The following ZDBF2 variants were observed in gnomAD, a reference collection of about 807,000 sequenced individuals.
ZDBF2 encodes the protein DBF4-type zinc finger-containing protein 2.
A neutral mutation model predicts 9.4 loss-of-function variants in ZDBF2; 6 were observed. That is an observed-to-expected ratio of 0.64 (90% CI 0.35 to 1.27). The LOEUF is 1.27. Ranked by LOEUF, ZDBF2 falls within the 50% of genes most tolerant of loss-of-function variation. The pLI, the probability that ZDBF2 is intolerant of heterozygous loss-of-function variation, is 0.03. For synonymous variants in ZDBF2, 905 were observed against 946.3 expected (o/e 0.96, Z 0.80); for missense variants, 2,697 against 2,766.8 (o/e 0.97, Z 0.57).
chr2:206,307,540 T>A lies in ZDBF2; in HGVS notation c.3012T>A (p.Ser1004=), dbSNP rs760108035. The change falls in exon 5 of 5, where the codon TCT becomes TCA. Residue 1004 remains serine (S), a synonymous_variant. Coordinates refer to ENST00000374423, the MANE Select transcript of ZDBF2 (RefSeq NM_020923.3). ...EFSGSKTSLD[S]GVPHYSVTEP... ...GTGGTTCAAAAACAAGTTTAGATTCTGGTGTCCCTCATTATTCAGTAACTG... is the reference window on the plus strand; with the variant it reads ...GTGGTTCAAAAACAAGTTTAGATTCAGGTGTCCCTCATTATTCAGTAACTG... The A allele has an allele frequency of 3.1e-6, 5 of 1,613,732 alleles. No homozygotes were observed. The highest frequency in any genetic ancestry group is 4.2e-6 in the Non-Finnish European group (5 of 1,179,778).
At position 206,311,574 on chromosome 2, in the gene ZDBF2, G is replaced by C; in HGVS notation, c.7046G>C (p.Arg2349Thr). 4.0e-6 allele frequency: 6 copies of C among 1,507,024 alleles called. No homozygotes were observed. The highest frequency in any genetic ancestry group is 4.4e-6 in the Non-Finnish European group (5 of 1,129,618). 93.4% of individuals were successfully genotyped at this position (1,507,024 alleles called of 1,614,324 possible). The change falls in exon 5 of 5, where the codon AGA becomes ACA. Residue 2349 changes from arginine (R) to threonine (T), a missense_variant. By Grantham distance (71) the Arg-to-Thr change is moderately conservative. This residue lies in a region of ZDBF2 where 1,783 missense variants were observed against 1,776.5 expected (regional missense o/e 1.00). Transcript: ENST00000374423. ...RMMTRLANKL[R>T]GNEVK Reference sequence around the variant, plus strand: ...ATGACTCGGCTAGCAAACAAACTGAGAGGTAATGAGGTAAAATAGAAGTTG... The same window carrying C: ...ATGACTCGGCTAGCAAACAAACTGACAGGTAATGAGGTAAAATAGAAGTTG...
intron 3 of ZDBF2, chr2:206,292,122 T>C (rs1691927607): frequency 2.5e-6 from 1 of 398,162 alleles, no homozygotes; most frequent in African/African-American, 2.1e-5. Context: ...GAAAGGTAAA[T>C]ATGTAGGCAA....
intron 4 of ZDBF2, among the ~76,000 whole-genome samples, chr2:206,303,391 A>G (rs1164678186): frequency 6.6e-6 from 1 of 152,096 alleles, no homozygotes; most frequent in Non-Finnish European, 1.5e-5. Context: ...CCTGTAATGC[A>G]GTAGTAAGTC....
chr2:206,280,831 C>T (rs536107998), intron 2 of ZDBF2, among the ~76,000 whole-genome samples: 1 of 152,176 alleles, frequency 6.6e-6, no homozygotes, highest in South Asian at 2.1e-4. Context: ...TGCAGAAATT[C>T]TCATAACATG....
chr2:206,296,301 C>G (rs573593995), intron 3 of ZDBF2, among the ~76,000 whole-genome samples: 2 of 152,214 alleles, frequency 1.3e-5, no homozygotes, highest in East Asian at 3.9e-4. Context: ...TTGTCCCACT[C>G]AGGACATGAA....
At position 206,310,828 on chromosome 2, in the gene ZDBF2, A is replaced by C. The variant is rs1178638280; in HGVS notation, c.6300A>C (p.Gln2100His). ...SSAGDNDADG[Q>H]GSASAPLMAV... Reference sequence around the variant, plus strand: ...CAGGAGATAATGATGCTGATGGACAAGGCTCTGCTTCAGCGCCTTTAATGG... The same window carrying C: ...CAGGAGATAATGATGCTGATGGACACGGCTCTGCTTCAGCGCCTTTAATGG... The change falls in exon 5 of 5, where the codon CAA becomes CAC. Residue 2100 changes from glutamine to histidine, a missense_variant. Gln to His is a conservative substitution (Grantham distance 24, BLOSUM62 0). Coordinates refer to ENST00000374423, the MANE Select transcript of ZDBF2 (RefSeq NM_020923.3). The C allele has an allele frequency of 1.9e-6, 3 of 1,614,006 alleles. No individual in the cohort carries two copies. Among genetic ancestry groups the C allele is most frequent in the Non-Finnish European group, 2.5e-6 (3 of 1,179,898 alleles).
intron 3 of ZDBF2, among the ~76,000 whole-genome samples, chr2:206,284,712 T>C (rs1574382957): frequency 6.6e-6 from 1 of 152,216 alleles, no homozygotes; most frequent in East Asian, 1.9e-4. Flanking sequence ...TATTCTACTG[T>C]GTATATATAC....
chr2:206,276,933 G>A (rs1420856422), intron 1 of ZDBF2, among the ~76,000 whole-genome samples: 1 of 152,172 alleles, frequency 6.6e-6, no homozygotes, highest in African/African-American at 2.4e-5. Flanking sequence ...TTGAAAATTA[G>A]TAGTGTTGTG....
Position 206,313,067 on chromosome 2 carries a change from T to TA in ZDBF2, c.*1476dup, listed in dbSNP as rs1212074147. The stretch of plus-strand genomic sequence containing the variant: ...GCCAAGATCCTGGATCTTCTATCAT[T>TA]AATGTTAAGAGGAAACATGAATTAC... On this transcript the variant is annotated 3_prime_UTR_variant, in exon 5 of 5. Coordinates refer to ENST00000374423, the MANE Select transcript of ZDBF2 (RefSeq NM_020923.3). 6.6e-6 allele frequency: 1 copy of TA among 152,182 alleles called. No individual in the cohort carries two copies. The highest frequency in any genetic ancestry group is 1.5e-5 in the Non-Finnish European group (1 of 68,032). 9.4% of individuals were successfully genotyped at this position (152,182 alleles called of 1,614,324 possible). A position where few individuals can be genotyped will look rare whatever the true frequency, so the allele number is the denominator to read the frequency against.
At chr2:206,299,861 A>G (rs1692404883) in intron 4 of ZDBF2, among the ~76,000 whole-genome samples, 1 of 151,480 alleles carries the variant, frequency 6.6e-6, no homozygotes. Flanking sequence ...TAATCCTACC[A>G]CTTTGGGAGG....
chr2:206,306,570 A>C lies in ZDBF2; in HGVS notation c.2042A>C (p.Gln681Pro). The change falls in exon 5 of 5, where the codon CAA (glutamine) becomes CCA (proline). Residue 681 changes from glutamine to proline, a missense_variant. Transcript: ENST00000374423. ...QADAQLADQS[Q>P]VAEIERQKVD... ...GATGCTCAATTAGCTGACCAGTCTCAAGTAGCCGAAATAGAGCGTCAGAAA... is the reference window on the plus strand; with the variant it reads ...GATGCTCAATTAGCTGACCAGTCTCCAGTAGCCGAAATAGAGCGTCAGAAA... The C allele has an allele frequency of 6.2e-7, 1 of 1,613,652 alleles. No homozygotes were observed. Among genetic ancestry groups the C allele is most frequent in the South Asian group, 1.1e-5 (1 of 91,062 alleles).
chr2:206,292,500 A>C (rs1691948833), intron 3 of ZDBF2, among the ~76,000 whole-genome samples: 2 of 152,222 alleles, frequency 1.3e-5, no homozygotes, highest in East Asian at 3.8e-4. Context: ...TGCTTGAATT[A>C]CAACTGTATT....
chr2:206,284,501 A>T (rs1348305486), intron 3 of ZDBF2, among the ~76,000 whole-genome samples: 1 of 152,170 alleles, frequency 6.6e-6, no homozygotes, highest in Non-Finnish European at 1.5e-5. Flanking sequence ...TATTAACTAT[A>T]GTCATCCTAC....
intron 3 of ZDBF2, among the ~76,000 whole-genome samples, chr2:206,289,445 T>C (rs1341657539): frequency 6.6e-6 from 1 of 150,812 alleles, no homozygotes; most frequent in Non-Finnish European, 1.5e-5. Context: ...TCCAGCCTGA[T>C]GGGGTGAGAG....
In ZDBF2 at chr2:206,301,915, T is replaced by C. The variant is rs111275812; in HGVS notation, c.189-2802T>C. On this transcript the variant is annotated intron_variant, in intron 4 of 4. Coordinates refer to ENST00000374423, the MANE Select transcript of ZDBF2 (RefSeq NM_020923.3). ...GAAGTATTTAAAAATATGATGTTTTTATTTTGGCCATATCTCATAGTTTTT... is the reference window on the plus strand; with the variant it reads ...GAAGTATTTAAAAATATGATGTTTTCATTTTGGCCATATCTCATAGTTTTT... Among the ~76,000 whole-genome samples the C allele has an allele frequency of 3.5e-4, 54 of 152,224 alleles. 1 individual carries two copies. The highest frequency in any genetic ancestry group is 1.3e-3 in the African/African-American group (53 of 41,580).
chr2:206,286,794 G>A (rs1373085312), intron 3 of ZDBF2, among the ~76,000 whole-genome samples: 3 of 152,170 alleles, frequency 2.0e-5, no homozygotes, highest in African/African-American at 7.2e-5. Context: ...TATCTTTTAA[G>A]TGGGGAATTT....
chr2:206,294,358 A>G (rs904500943), intron 3 of ZDBF2, among the ~76,000 whole-genome samples: 2 of 152,236 alleles, frequency 1.3e-5, no homozygotes, highest in African/African-American at 4.8e-5. Flanking sequence ...ACTTTATGTT[A>G]TACATCAATT....
intron 4 of ZDBF2, among the ~76,000 whole-genome samples, chr2:206,302,044 C>G (rs1188927704): frequency 1.3e-5 from 2 of 151,516 alleles, no homozygotes; most frequent in Non-Finnish European, 2.9e-5. Context: ...AGGTCTCACT[C>G]TGTGGCCCAG....
chr2:206,311,008 A>G lies in ZDBF2; in HGVS notation c.6480A>G (p.Pro2160=), dbSNP rs532595474. 3 of 1,611,694 alleles carry G rather than the reference A, an allele frequency of 1.9e-6. No homozygotes were observed. The South Asian group carries it at 3.3e-5, about 18-fold the overall frequency. ...FLNHDVVKIS[P]KSVRNKLLES... ...ATCATGATGTTGTCAAAATCTCTCC[A>G]AAATCAGTTAGAAATAAGCTTTTGG... Residue 2160 remains proline, a synonymous_variant, in exon 5 of 5, where the codon CCA becomes CCG. Coordinates refer to ENST00000374423, the MANE Select transcript of ZDBF2 (RefSeq NM_020923.3).
Sources: allele counts gnomAD v4.1 joint callset (sites outside exome capture counted in the v4.1 genomes callset), GRCh38; gene constraint gnomAD v4.1.1; regional missense constraint gnomAD v4.1.1; transcripts MANE v1.5; gene names NCBI Gene and HGNC (gene_info 2026-07-23, HGNC 2026-07-21).